Variants in SRRM3 observed in about 807,000 individuals in gnomAD.
SRRM3 encodes serine/arginine repetitive matrix protein 3.
SRRM3 carries 27 observed loss-of-function variants against 66.2 expected under a neutral mutation model. The observed-to-expected ratio is 0.41, with a 90% CI of 0.30 to 0.56. SRRM3 has a LOEUF of 0.56. SRRM3 is among the 20% of genes least tolerant of loss of function. The probability of loss-of-function intolerance (pLI) is 0.32; values close to 1 mark genes in which losing one functional copy is unlikely to be tolerated. For missense variants in SRRM3, 918 were observed against 991.9 expected, an observed-to-expected ratio of 0.93 and a Z score of 1.00; for synonymous variants, 391 against 414.9, an observed-to-expected ratio of 0.94 and a Z score of 0.70.
intron 1 of SRRM3, among the ~76,000 whole-genome samples, chr7:76,227,807 T>G (rs1800915189): frequency 6.6e-6 from 1 of 152,208 alleles, no homozygotes; most frequent in African/African-American, 2.4e-5. Context: ...ATCTCATGTT[T>G]GAACAATTCC....
intron 1 of SRRM3, among the ~76,000 whole-genome samples, chr7:76,211,504 A>G (rs1800430269): frequency 6.6e-6 from 1 of 152,144 alleles, no homozygotes; most frequent in Admixed American, 6.5e-5. Context: ...CCAGTAGGTA[A>G]GTGCATGGCC....
rs550044175 is a variant in SRRM3, at chr7:76,225,478, C to T, written c.-39-9550C>T. Reference sequence around the variant, plus strand: ...CGGTGCTGCCCCCCTCCCCGCCCCCCCCGCCCCTTTCCCCGGCAAAAGAGG... The same window carrying T: ...CGGTGCTGCCCCCCTCCCCGCCCCCTCCGCCCCTTTCCCCGGCAAAAGAGG... On this transcript the variant is annotated intron_variant, in intron 1 of 14. Transcript: ENST00000611745. Among the ~76,000 whole-genome samples, 167 of 151,902 alleles carry T rather than the reference C, an allele frequency of 1.1e-3. 1 individual carries two copies. The highest frequency in any genetic ancestry group is 4.3e-4 in the Non-Finnish European group (29 of 67,910).
intron 11 of SRRM3, 99 bp downstream of exon 11, chr7:76,267,534 T>TG (rs1802102185): frequency 1.0e-5 from 1 of 96,316 alleles, no homozygotes; most frequent in Non-Finnish European, 2.0e-5. Context: ...AAGTGTGGCA[T>TG]GGGGGCGGGG....
In SRRM3 at chr7:76,260,216, C is replaced by A; in HGVS notation, c.545+19C>A. On this transcript the variant is annotated intron_variant, in intron 5 of 14. Transcript: ENST00000611745. ...GAAGCCGGTGAGAACCGCGCCTGAC[C>A]GGAGCGGGAAGGGAGGAGGAGGTGG... 3 of 1,521,360 alleles carry A rather than the reference C, an allele frequency of 2.0e-6. No homozygotes were observed. The highest frequency in any genetic ancestry group is 2.6e-6 in the Non-Finnish European group (3 of 1,136,558). The allele number at this position is 1,521,360 out of a possible 1,614,324, so 94.2% of individuals were successfully genotyped here.
At chr7:76,262,067 C>G (rs1438492319) in intron 8 of SRRM3, among the ~76,000 whole-genome samples, 2 of 151,798 alleles carry the variant, frequency 1.3e-5, no homozygotes, top group Non-Finnish European at 2.9e-5. Context: ...CATCCTCCAC[C>G]CAGGAGGGCT....
chr7:76,207,119 C>A (rs1186831798), intron 1 of SRRM3, among the ~76,000 whole-genome samples: 1 of 149,162 alleles, frequency 6.7e-6, no homozygotes, highest in Non-Finnish European at 1.5e-5. Flanking sequence ...CATAGCAAGA[C>A]CTCGGCTCAC....
At chr7:76,240,640 T>G (rs1163379175) in intron 2 of SRRM3, among the ~76,000 whole-genome samples, 4 of 149,234 alleles carry the variant, frequency 2.7e-5, no homozygotes, top group African/African-American at 9.8e-5. Context: ...AAAAAAAACA[T>G]TTTTCACTCT....
At chr7:76,222,891 C>T (rs533846983) in intron 1 of SRRM3, among the ~76,000 whole-genome samples, 6 of 152,254 alleles carry the variant, frequency 3.9e-5, no homozygotes, top group Middle Eastern at 3.4e-3. Flanking sequence ...GCTGGAATTA[C>T]AGGATTGAGC....
intron 10 of SRRM3, among the ~76,000 whole-genome samples, chr7:76,265,777 A>T (rs1262344477): frequency 4.0e-5 from 5 of 126,290 alleles, no homozygotes; most frequent in African/African-American, 6.1e-5. Context: ...TTTAATATTT[A>T]TATATATTTA....
intron 1 of SRRM3, among the ~76,000 whole-genome samples, chr7:76,218,674 CTTTTTTT>C (rs11349335): frequency 6.6e-5 from 5 of 76,278 alleles, no homozygotes; most frequent in African/African-American, 1.1e-4. Flanking sequence ...GCTTTCTTTT[CTTTTTTT>C]TTTTTTTTTT....
At chr7:76,261,955 C>A (rs1177964400) in intron 8 of SRRM3, among the ~76,000 whole-genome samples, 3 of 151,240 alleles carry the variant, frequency 2.0e-5, no homozygotes, top group Admixed American at 6.6e-5. Context: ...GCTGGGAGGG[C>A]TCCATGGATA....
intron 2 of SRRM3, among the ~76,000 whole-genome samples, chr7:76,238,559 G>A (rs1241376876): frequency 3.9e-5 from 6 of 152,032 alleles, no homozygotes; most frequent in South Asian, 2.1e-4. Flanking sequence ...CAATCACCGC[G>A]GGGCGGGACG....
intron 8 of SRRM3, among the ~76,000 whole-genome samples, chr7:76,263,905 A>G (rs113209989): frequency 0.017 from 2,425 of 143,662 alleles, 108 homozygotes; most frequent in African/African-American, 0.052. Context: ...AAAAAAAAAA[A>G]GCAGGGACAT....
At chr7:76,262,466 G>A (rs1462184529) in intron 8 of SRRM3, among the ~76,000 whole-genome samples, 1 of 148,754 alleles carries the variant, frequency 6.7e-6, no homozygotes, top group Non-Finnish European at 1.5e-5. Context: ...AGAGATTGCA[G>A]TGGAGTGCAC....
intron 3 of SRRM3, among the ~76,000 whole-genome samples, chr7:76,250,632 A>T (rs1801557731): frequency 6.6e-6 from 1 of 152,144 alleles, no homozygotes; most frequent in South Asian, 2.1e-4. Context: ...CTGGGTAGTG[A>T]GGGGTAAAGT....
At chr7:76,231,179 A>G (rs538608463) in intron 1 of SRRM3, among the ~76,000 whole-genome samples, 1 of 152,226 alleles carries the variant, frequency 6.6e-6, no homozygotes, top group African/African-American at 2.4e-5. Context: ...TTAGTGTGCA[A>G]TGATTTGGGT....
At chr7:76,277,716 CAAAAAAA>C (rs386353056) in intron 11 of SRRM3, among the ~76,000 whole-genome samples, 2 of 102,780 alleles carry the variant, frequency 1.9e-5, no homozygotes, top group Non-Finnish European at 3.7e-5. Flanking sequence ...TAAACAACAA[CAAAAAAA>C]AAAAAAAAAA....
At chr7:76,227,701 T>C (rs975127983) in intron 1 of SRRM3, among the ~76,000 whole-genome samples, 2 of 152,144 alleles carry the variant, frequency 1.3e-5, no homozygotes. Flanking sequence ...CATGATGGGG[T>C]CATGTTCATC....
chr7:76,282,565 A>AAC, intron 12 of SRRM3, 83 bp from the exon 13 acceptor site: 2 of 579,776 alleles, frequency 3.4e-6, no homozygotes, highest in Non-Finnish European at 5.2e-6. Context: ...CTCCGCCCTA[A>AAC]GCCCCGCCCC....
Sources: gnomAD v4.1 joint callset for allele counts (sites outside exome capture counted in the v4.1 genomes callset) on GRCh38, gnomAD v4.1.1 for gene constraint, MANE v1.5 for transcripts, NCBI Gene and HGNC (gene_info 2026-07-23, HGNC 2026-07-21) for gene names.